GRM7: variants seen among roughly 807,000 people sequenced by gnomAD.
The protein encoded by GRM7 is glutamate metabotropic receptor 7.
Under a neutral mutation model 84.5 loss-of-function variants are expected in GRM7, and 35 were observed. The observed-to-expected ratio is 0.41, with a 90% confidence interval of 0.32 to 0.55. GRM7 has a LOEUF of 0.55. GRM7 is among the 20% of genes least tolerant of loss of function. GRM7 has a pLI of 0.19. For synonymous variants in GRM7, 487 were observed against 455.1 expected (o/e 1.07, Z -0.89); for missense variants, 1,003 against 1,194.6 (o/e 0.84, Z 2.36).
chr3:7,221,995 G>T (rs895285443), intron 2 of GRM7, among the ~76,000 whole-genome samples: 1 of 151,726 alleles, frequency 6.6e-6, no homozygotes, highest in Non-Finnish European at 1.5e-5. Context: ...TTTTAGTAGA[G>T]ACGGGGTTTC....
intron 1 of GRM7, among the ~76,000 whole-genome samples, chr3:6,957,906 A>G (rs1693126373): frequency 6.6e-6 from 1 of 152,226 alleles, no homozygotes; most frequent in South Asian, 2.1e-4. Flanking sequence ...TTTTACAAAG[A>G]TAAAGTACAG....
chr3:7,387,241 C>T (rs1694819998), intron 4 of GRM7, among the ~76,000 whole-genome samples: 1 of 152,018 alleles, frequency 6.6e-6, no homozygotes, highest in Admixed American at 6.6e-5. Context: ...TATAGGTTGC[C>T]TGTTTACTCT....
intron 2 of GRM7, among the ~76,000 whole-genome samples, chr3:7,224,114 T>A (rs1696900214): frequency 6.6e-6 from 1 of 152,182 alleles, no homozygotes; most frequent in Non-Finnish European, 1.5e-5. Flanking sequence ...ACATGACATC[T>A]GGCTATTTAA....
At chr3:6,920,724 G>A (rs529195534) in intron 1 of GRM7, among the ~76,000 whole-genome samples, 1 of 152,150 alleles carries the variant, frequency 6.6e-6, no homozygotes, top group African/African-American at 2.4e-5. Context: ...CACTGCTTGG[G>A]GCTGGGTCTC....
intron 1 of GRM7, among the ~76,000 whole-genome samples, chr3:7,003,934 T>C (rs1695096444): frequency 6.6e-6 from 1 of 152,196 alleles, no homozygotes; most frequent in Non-Finnish European, 1.5e-5. Flanking sequence ...TTGGAGGCTC[T>C]ACTTCCTACA....
chr3:7,561,787 G>C (rs781209106), intron 7 of GRM7, among the ~76,000 whole-genome samples: 17 of 152,134 alleles, frequency 1.1e-4, no homozygotes, highest in Non-Finnish European at 2.4e-4. Flanking sequence ...TTGTGAGATA[G>C]TAGATTCTGT....
intron 2 of GRM7, among the ~76,000 whole-genome samples, chr3:7,203,968 G>A (rs1398707544): frequency 6.6e-6 from 1 of 152,084 alleles, no homozygotes; most frequent in Admixed American, 6.6e-5. Context: ...TATGGGAACA[G>A]GTTTTTTAAC....
At chr3:7,001,165 G>A (rs188543602) in intron 1 of GRM7, among the ~76,000 whole-genome samples, 1 of 152,202 alleles carries the variant, frequency 6.6e-6, no homozygotes, top group East Asian at 1.9e-4. Flanking sequence ...GGACAACATA[G>A]TGAGACCCCA....
intron 4 of GRM7, among the ~76,000 whole-genome samples, chr3:7,308,640 T>C (rs983559846): frequency 6.6e-5 from 10 of 152,230 alleles, no homozygotes; most frequent in African/African-American, 2.4e-4. Context: ...CATCCGCATG[T>C]GTGAGATGTG....
chr3:7,426,749 T>G (rs1696626964), intron 5 of GRM7, among the ~76,000 whole-genome samples: 1 of 152,174 alleles, frequency 6.6e-6, no homozygotes, highest in African/African-American at 2.4e-5. Flanking sequence ...GATCCCCATC[T>G]TCACATCCCC....
chr3:6,933,002 GC>G (rs1411592574), intron 1 of GRM7, among the ~76,000 whole-genome samples: 2 of 151,966 alleles, frequency 1.3e-5, no homozygotes, highest in African/African-American at 4.8e-5. Context: ...TGATCCACCT[GC>G]CTTGGCCTCC....
intron 1 of GRM7, among the ~76,000 whole-genome samples, chr3:6,967,593 A>T: frequency 6.6e-6 from 1 of 152,238 alleles, no homozygotes; most frequent in East Asian, 1.9e-4. Context: ...ATACATCATA[A>T]ATTATCATAT....
chr3:7,051,100 T>A (rs556569099), intron 1 of GRM7, among the ~76,000 whole-genome samples: 13 of 151,804 alleles, frequency 8.6e-5, no homozygotes, highest in African/African-American at 1.2e-4. Flanking sequence ...AGTTTGGGGA[T>A]CACTGCTTGA....
intron 7 of GRM7, among the ~76,000 whole-genome samples, chr3:7,568,237 C>T (rs1245112737): frequency 6.6e-6 from 1 of 151,710 alleles, no homozygotes; most frequent in Non-Finnish European, 1.5e-5. Context: ...TAGTGCATCA[C>T]AATATCAAGA....
At chr3:7,338,211 T>C (rs1011682515) in intron 4 of GRM7, among the ~76,000 whole-genome samples, 1 of 151,900 alleles carries the variant, frequency 6.6e-6, no homozygotes, top group Non-Finnish European at 1.5e-5. Flanking sequence ...TGGATGGAGT[T>C]GGAGACCATT....
At chr3:7,422,230 C>G (rs1696426422) in intron 5 of GRM7, among the ~76,000 whole-genome samples, 1 of 152,146 alleles carries the variant, frequency 6.6e-6, no homozygotes, top group South Asian at 2.1e-4. Context: ...GTTTCTGACA[C>G]AACTACTCTG....
intron 1 of GRM7, among the ~76,000 whole-genome samples, chr3:7,038,100 C>A (rs1469990539): frequency 6.6e-6 from 1 of 152,178 alleles, no homozygotes; most frequent in Non-Finnish European, 1.5e-5. Context: ...CCTCTATTGA[C>A]TAAAGACAGG....
In GRM7 at chr3:7,729,296, C is replaced by T. The variant is rs528806899; in HGVS notation, c.2699-11061C>T. Among the ~76,000 whole-genome samples the T allele has an allele frequency of 2.6e-5, 4 of 152,254 alleles. No homozygotes were observed. In the East Asian group the frequency reaches 5.8e-4, roughly 22 times the overall value. ...GTGATGCCCTACCTTCTGGTTTCAG[C>T]TCTCATATTTGAACGTGTCCTTTTC... On this transcript the variant is annotated intron_variant, in intron 9 of 9. Transcript: ENST00000357716.
At chr3:7,301,886 C>T (rs566115218) in intron 3 of GRM7, among the ~76,000 whole-genome samples, 7 of 152,038 alleles carry the variant, frequency 4.6e-5, no homozygotes, top group African/African-American at 1.2e-4. Flanking sequence ...TTTCTTGGAA[C>T]GTTAACTTCA....
Sources: gnomAD v4.1 joint callset for allele counts (sites outside exome capture counted in the v4.1 genomes callset) on GRCh38, gnomAD v4.1.1 for gene constraint, MANE v1.5 for transcripts, NCBI Gene and HGNC (gene_info 2026-07-23, HGNC 2026-07-21) for gene names.